TAFA2: variants seen among roughly 807,000 people sequenced by gnomAD.
TAFA2 encodes the protein chemokine-like protein TAFA-2.
A neutral mutation model predicts 18.8 loss-of-function variants in TAFA2; 7 were observed. The ratio of observed to expected loss-of-function variants is 0.37; its 90% CI spans 0.21 to 0.70. The LOEUF is 0.70. Among genes scored for constraint, TAFA2 ranks in the 30% least tolerant of loss-of-function variants. The pLI is 0.53. For synonymous variants in TAFA2, 60 were observed against 54.2 expected, an observed-to-expected ratio of 1.11 and a Z score of -0.47; for missense variants, 122 against 158.1, an observed-to-expected ratio of 0.77 and a Z score of 1.23.
intron 1 of TAFA2, among the ~76,000 whole-genome samples, chr12:61,933,960 G>A (rs1303521692): frequency 6.6e-6 from 1 of 152,194 alleles, no homozygotes; most frequent in Non-Finnish European, 1.5e-5. Flanking sequence ...CACTTGCTTT[G>A]AGTTGCAGTT....
intron 1 of TAFA2, among the ~76,000 whole-genome samples, chr12:61,936,588 A>G (rs1877778484): frequency 1.3e-5 from 1 of 76,328 alleles, no homozygotes; most frequent in Non-Finnish European, 2.5e-5. Flanking sequence ...AAAAATACAA[A>G]TAAATAAATA....
intron 4 of TAFA2, among the ~76,000 whole-genome samples, chr12:61,720,202 A>C (rs1256128270): frequency 6.6e-6 from 1 of 152,188 alleles, no homozygotes; most frequent in Non-Finnish European, 1.5e-5. Context: ...ATATTCAATT[A>C]TGGGGCAATT....
chr12:62,136,777 G>C (rs1449127534), intron 1 of TAFA2, among the ~76,000 whole-genome samples: 1 of 152,150 alleles, frequency 6.6e-6, no homozygotes, highest in Non-Finnish European at 1.5e-5. Flanking sequence ...CGCATGCAGA[G>C]AGTGGTATTT....
At chr12:62,161,710 G>C (rs573130743) in intron 1 of TAFA2, among the ~76,000 whole-genome samples, 10 of 152,050 alleles carry the variant, frequency 6.6e-5, no homozygotes, top group African/African-American at 2.2e-4. Context: ...ATTTCTAAAA[G>C]GGTAAAATAA....
rs547419182 is a variant in TAFA2 at position 62,079,720 on chromosome 12, A to C, written c.-2+111539T>G. Among the ~76,000 whole-genome samples the C allele has an allele frequency of 2.7e-4, 41 of 152,114 alleles. 2 individuals are homozygous for C. On this transcript the variant is annotated intron_variant, in intron 1 of 4. Transcript: ENST00000416284. Reference sequence around the variant, plus strand: ...GTTACTAAATCTGTGATCAAAAATCAACATTCCTGTCTCAAAATAATTCTA... The same window carrying C: ...GTTACTAAATCTGTGATCAAAAATCCACATTCCTGTCTCAAAATAATTCTA...
intron 1 of TAFA2, among the ~76,000 whole-genome samples, chr12:62,236,953 A>T (rs1352641102): frequency 6.6e-6 from 1 of 151,962 alleles, no homozygotes; most frequent in Admixed American, 6.6e-5. Flanking sequence ...CTGTTTGGTG[A>T]TATGTGACCT....
intron 1 of TAFA2, among the ~76,000 whole-genome samples, chr12:62,129,174 A>ATGTT (rs1870583563): frequency 6.6e-6 from 1 of 151,990 alleles, no homozygotes; most frequent in South Asian, 2.1e-4. Context: ...GGCAGAAAAA[A>ATGTT]TGTTTTTCTT....
chr12:62,087,919 A>G (rs1868524201), intron 1 of TAFA2, among the ~76,000 whole-genome samples: 1 of 152,072 alleles, frequency 6.6e-6, no homozygotes, highest in African/African-American at 2.4e-5. Context: ...AAGCCAACAA[A>G]TCTTGCTGTT....
rs1401344177 is a variant in TAFA2, at chr12:61,753,661, T to A, written c.345A>T (p.Gly115=). The change falls in exon 4 of 5, where the codon GGA becomes GGT. Residue 115 remains glycine (G), a synonymous_variant. Coordinates refer to ENST00000416284, the MANE Select transcript of TAFA2 (RefSeq NM_178539.5). The part of the protein sequence containing the change: ...EECKVLPDRK[G]WSCSSGNKVK... ...CTTTATTCCCAGAGGAACAGCTCCA[T>A]CCTTTCCGATCCGGAAGAACTTTAC... 2 of 1,612,592 alleles carry A rather than the reference T, an allele frequency of 1.2e-6. No individual in the cohort carries two copies. Among genetic ancestry groups the A allele is most frequent in the African/African-American group, 1.3e-5 (1 of 74,856 alleles).
Position 62,032,908 on chromosome 12 carries a change from C to T in TAFA2, c.-2+158351G>A, listed in dbSNP as rs111972948. Among the ~76,000 whole-genome samples, 1,177 of 152,264 alleles carry T rather than the reference C, an allele frequency of 7.7e-3. 17 individuals carry two copies. Among genetic ancestry groups the T allele is most frequent in the African/African-American group, 0.027 (1,112 of 41,562 alleles). ...AAGAATATCCTCCCACTCAGCAATG[C>T]TTCACATTTTTTCATGGATTTTATT... On this transcript the variant is annotated intron_variant, in intron 1 of 4. Coordinates refer to ENST00000416284, the MANE Select transcript of TAFA2 (RefSeq NM_178539.5).
chr12:61,871,600 A>G (rs1874606031), intron 1 of TAFA2, among the ~76,000 whole-genome samples: 1 of 152,214 alleles, frequency 6.6e-6, no homozygotes, highest in Non-Finnish European at 1.5e-5. Context: ...CAAGGAGCAC[A>G]AGGGAAAAGA....
At chr12:61,980,770 A>G (rs1323616900) in intron 1 of TAFA2, among the ~76,000 whole-genome samples, 1 of 152,202 alleles carries the variant, frequency 6.6e-6, no homozygotes, top group African/African-American at 2.4e-5. Flanking sequence ...GGACCTCTTC[A>G]AGGAGAACTA....
intron 1 of TAFA2, among the ~76,000 whole-genome samples, chr12:61,982,064 G>T (rs140199259): frequency 6.6e-6 from 1 of 152,134 alleles, no homozygotes; most frequent in Non-Finnish European, 1.5e-5. Context: ...TGATAGACTG[G>T]ATTAAGAAAA....
intron 1 of TAFA2, among the ~76,000 whole-genome samples, chr12:61,869,002 C>G (rs1874475467): frequency 6.6e-6 from 1 of 152,124 alleles, no homozygotes; most frequent in Admixed American, 6.5e-5. Context: ...CACTGACAAA[C>G]ATGTACTAAG....
chr12:61,973,173 T>C (rs1425034450), intron 1 of TAFA2, among the ~76,000 whole-genome samples: 1 of 151,646 alleles, frequency 6.6e-6, no homozygotes, highest in Non-Finnish European at 1.5e-5. Flanking sequence ...TGGGTCTATT[T>C]CTTCTACCCA....
intron 2 of TAFA2, among the ~76,000 whole-genome samples, chr12:61,798,555 T>C (rs1394919703): frequency 6.6e-6 from 1 of 152,112 alleles, no homozygotes; most frequent in Non-Finnish European, 1.5e-5. Context: ...TAACTCCCCA[T>C]TTCCCTCTTC....
chr12:61,898,743 C>T (rs1875967567), intron 1 of TAFA2, among the ~76,000 whole-genome samples: 1 of 152,194 alleles, frequency 6.6e-6, no homozygotes, highest in Non-Finnish European at 1.5e-5. Context: ...CTGACATGCC[C>T]TGGAGTCATG....
chr12:61,779,707 A>C (rs1373816944), intron 2 of TAFA2, among the ~76,000 whole-genome samples: 1 of 151,848 alleles, frequency 6.6e-6, no homozygotes, highest in African/African-American at 2.4e-5. Context: ...GTGAGAATAA[A>C]GATTTTCTAC....
At chr12:62,026,555 T>C (rs1227316166) in intron 1 of TAFA2, among the ~76,000 whole-genome samples, 3 of 152,118 alleles carry the variant, frequency 2.0e-5, no homozygotes, top group Admixed American at 6.5e-5. Flanking sequence ...ACTTCCTTGT[T>C]TTTCTCACAA....
Sources: gnomAD v4.1 joint callset for allele counts (sites outside exome capture counted in the v4.1 genomes callset) on GRCh38, gnomAD v4.1.1 for gene constraint, MANE v1.5 for transcripts, NCBI Gene and HGNC (gene_info 2026-07-23, HGNC 2026-07-21) for gene names.